BLTP1: variants seen among roughly 807,000 people sequenced by gnomAD.
BLTP1 encodes fragile site-associated protein.
the BLTP1 span, among the ~76,000 whole-genome samples, chr4:122,295,592 A>G: frequency 1.4e-4 from 22 of 152,338 alleles, no homozygotes; most frequent in African/African-American, 5.1e-4. Context: ...AACTCATTTT[A>G]TAAGGCCACT....
chr4:122,261,688 A>G, the BLTP1 span: 3 of 985,130 alleles, frequency 3.0e-6, no homozygotes, highest in Non-Finnish European at 3.6e-6. Context: ...TGGGTTAAAA[A>G]TCTGGCTTTT....
At chr4:122,318,177 C>A in the BLTP1 span, 1 of 1,607,494 alleles carries the variant, frequency 6.2e-7, no homozygotes, top group Non-Finnish European at 8.5e-7. Context: ...GAACCATAAA[C>A]CAGGAAATTC....
the BLTP1 span, chr4:122,236,796 G>C: frequency 1.0e-6 from 1 of 981,174 alleles, no homozygotes; most frequent in Admixed American, 6.1e-5. Context: ...GGAAGTGTCT[G>C]TATCTCTTGG....
At chr4:122,306,168 G>A in the BLTP1 span, 2 of 941,800 alleles carry the variant, frequency 2.1e-6, no homozygotes, top group Non-Finnish European at 3.0e-6. Flanking sequence ...AATCTGAAAT[G>A]TGTGTATCCA....
chr4:122,352,747 C>G, the BLTP1 span: 12 of 342,394 alleles, frequency 3.5e-5, no homozygotes, highest in South Asian at 8.1e-4. Context: ...CCTAGAATGT[C>G]TCTTTATTAG....
the BLTP1 span, among the ~76,000 whole-genome samples, chr4:122,222,105 C>G: frequency 5.3e-5 from 8 of 152,228 alleles, no homozygotes; most frequent in African/African-American, 1.9e-4. Flanking sequence ...TTCATTTCCC[C>G]GATTGTTGAC....
At chr4:122,349,705 T>C in the BLTP1 span, 1 of 1,544,038 alleles carries the variant, frequency 6.5e-7, no homozygotes, top group Non-Finnish European at 8.7e-7. The surrounding 1 kb of genome is among the most constrained non-coding windows in gnomAD (Gnocchi z 4.5). Flanking sequence ...TTGTCTATCA[T>C]CTGGTGAGAA....
chr4:122,152,483 G>A, the BLTP1 span: 23 of 985,714 alleles, frequency 2.3e-5, no homozygotes, highest in Non-Finnish European at 2.5e-5. Context: ...GCTGCATCCG[G>A]CTCGGTGCTG....
chr4:122,207,068 A>T, the BLTP1 span: 1 of 1,548,688 alleles, frequency 6.5e-7, no homozygotes, highest in Non-Finnish European at 8.7e-7. Flanking sequence ...TCTGAGTTTC[A>T]ACTAACTTTA....
chr4:122,226,614 C>G, the BLTP1 span: 1 of 1,553,982 alleles, frequency 6.4e-7, no homozygotes, highest in Non-Finnish European at 8.6e-7. Context: ...TGGGTTCTTT[C>G]AAGCTACGTT....
the BLTP1 span, chr4:122,347,377 T>C: frequency 7.7e-7 from 1 of 1,295,776 alleles, no homozygotes; most frequent in Non-Finnish European, 1.0e-6. Flanking sequence ...TTGCAAACTG[T>C]AAATTGCTGT....
the BLTP1 span, among the ~76,000 whole-genome samples, chr4:122,239,084 T>C: frequency 1.3e-5 from 2 of 152,162 alleles, no homozygotes; most frequent in African/African-American, 4.8e-5. Flanking sequence ...TGTTCTGCCT[T>C]AGTAAATGGC....
At chr4:122,278,428 C>T in the BLTP1 span, among the ~76,000 whole-genome samples, 1 of 152,178 alleles carries the variant, frequency 6.6e-6, no homozygotes, top group Admixed American at 6.5e-5. Flanking sequence ...CATCAAAACT[C>T]TTAACAGAAT....
At chr4:122,343,733 A>G in the BLTP1 span, 11 of 1,016,056 alleles carry the variant, frequency 1.1e-5, no homozygotes, top group South Asian at 1.8e-4. Context: ...TTCCTCTTTG[A>G]TAATACCTAT....
At chr4:122,184,022 T>C in the BLTP1 span, among the ~76,000 whole-genome samples, 1 of 152,084 alleles carries the variant, frequency 6.6e-6, no homozygotes, top group African/African-American at 2.4e-5. Flanking sequence ...TAACTAAATA[T>C]TTTTTTAAAA....
At chr4:122,209,330 C>T in the BLTP1 span, 1 of 1,611,358 alleles carries the variant, frequency 6.2e-7, no homozygotes, top group Non-Finnish European at 8.5e-7. Flanking sequence ...CAACGTTACT[C>T]AGGAAAAGTG....
At chr4:122,160,014 G>A in the BLTP1 span, among the ~76,000 whole-genome samples, 2 of 152,186 alleles carry the variant, frequency 1.3e-5, no homozygotes, top group African/African-American at 4.8e-5. Flanking sequence ...TTTTACCTAA[G>A]AGGATAATTG....
chr4:122,349,783 G>T, the BLTP1 span: 29 of 1,569,246 alleles, frequency 1.8e-5, no homozygotes, highest in Non-Finnish European at 2.3e-5. This position sits in a 1 kb window ranked among gnomAD's most constrained non-coding sequence, Gnocchi z 4.5. Flanking sequence ...GCTGGGCGGG[G>T]GAAGAAAATG....
At chr4:122,307,273 G>C in the BLTP1 span, among the ~76,000 whole-genome samples, 1 of 152,046 alleles carries the variant, frequency 6.6e-6, no homozygotes, top group African/African-American at 2.4e-5. Context: ...AGTTTTGACA[G>C]CATTTTGGCT....
Sources: allele counts gnomAD v4.1 joint callset (sites outside exome capture counted in the v4.1 genomes callset), GRCh38; gene constraint gnomAD v4.1.1; non-coding constraint Gnocchi (gnomAD v3.1); transcripts MANE v1.5; gene names NCBI Gene and HGNC (gene_info 2026-07-23, HGNC 2026-07-21).